NAV2: variants seen among roughly 807,000 people sequenced by gnomAD.
NAV2 encodes the protein helicase, APC down-regulated 1.
Under a neutral mutation model 223.2 loss-of-function variants are expected in NAV2, and 54 were observed. The ratio of observed to expected loss-of-function variants is 0.24; its 90% CI spans 0.19 to 0.30. NAV2 has a LOEUF of 0.30. Among genes scored for constraint, NAV2 ranks in the 10% least tolerant of loss-of-function variants. The pLI is 1.00. For synonymous variants in NAV2, 1,279 were observed against 1,239.3 expected (o/e 1.03, Z -0.67); for missense variants, 2,806 against 3,147.5 (o/e 0.89, Z 2.60).
At chr11:19,386,398 A>G (rs1460553111) in intron 1 of NAV2, among the ~76,000 whole-genome samples, 1 of 152,160 alleles carries the variant, frequency 6.6e-6, no homozygotes, top group Non-Finnish European at 1.5e-5. Flanking sequence ...TGGAATGGGT[A>G]TGATACTACC....
intron 1 of NAV2, among the ~76,000 whole-genome samples, chr11:19,389,158 G>C (rs1363824221): frequency 3.3e-5 from 5 of 152,192 alleles, no homozygotes; most frequent in Admixed American, 3.3e-4. Flanking sequence ...TTGTCTCTCT[G>C]TGATCCACTG....
intron 1 of NAV2, among the ~76,000 whole-genome samples, chr11:19,569,893 AG>A (rs2045374294): frequency 6.6e-6 from 1 of 152,224 alleles, no homozygotes; most frequent in Non-Finnish European, 1.5e-5. Context: ...AAAGTACAAA[AG>A]CACAACAAAG....
At chr11:19,874,889 G>T (rs915104229) in intron 4 of NAV2, among the ~76,000 whole-genome samples, 2 of 152,234 alleles carry the variant, frequency 1.3e-5, no homozygotes, top group African/African-American at 4.8e-5. Context: ...GGGCACAATG[G>T]CTCACGCCTT....
chr11:19,478,335 G>A (rs900176561), intron 1 of NAV2, among the ~76,000 whole-genome samples: 3 of 152,110 alleles, frequency 2.0e-5, no homozygotes, highest in African/African-American at 2.4e-5. Flanking sequence ...AGGGAGACCC[G>A]GAGCCCGGTG....
intron 1 of NAV2, among the ~76,000 whole-genome samples, chr11:19,649,898 C>T (rs1293804321): frequency 1.3e-5 from 2 of 152,228 alleles, no homozygotes; most frequent in African/African-American, 4.8e-5. Flanking sequence ...TACTTCCACA[C>T]TCCCATTTGA....
chr11:19,549,378 T>C (rs1311632080), intron 1 of NAV2, among the ~76,000 whole-genome samples: 4 of 152,204 alleles, frequency 2.6e-5, no homozygotes, highest in African/African-American at 9.6e-5. Flanking sequence ...GGTGGCTTAA[T>C]TGTCCCTGTG....
chr11:19,529,480 C>T (rs548307996), intron 1 of NAV2, among the ~76,000 whole-genome samples: 4 of 152,306 alleles, frequency 2.6e-5, no homozygotes, highest in South Asian at 2.1e-4. Context: ...AGTTGAGACC[C>T]GCCCCACCCC....
intron 1 of NAV2, among the ~76,000 whole-genome samples, chr11:19,438,795 A>G (rs1851298777): frequency 6.6e-6 from 1 of 152,212 alleles, no homozygotes. Context: ...AGGAGTCTCC[A>G]TTCTGTAAAA....
intron 1 of NAV2, among the ~76,000 whole-genome samples, chr11:19,410,656 A>G (rs1009144179): frequency 3.3e-5 from 5 of 152,182 alleles, no homozygotes; most frequent in Admixed American, 1.3e-4. Context: ...CATGTAAAAC[A>G]TAACTAATGA....
chr11:19,910,218 T>C (rs918338060), intron 6 of NAV2, among the ~76,000 whole-genome samples: 8 of 152,246 alleles, frequency 5.3e-5, no homozygotes, highest in Admixed American at 1.3e-4. Context: ...ATCTGCATCA[T>C]TGCAAAGCTA....
rs372249930 is a variant in NAV2 at position 20,037,215 on chromosome 11, A to G, written c.2907+1118A>G. Among the ~76,000 whole-genome samples the G allele has an allele frequency of 2.3e-4, 35 of 152,118 alleles. No individual in the cohort carries two copies. In the East Asian group the frequency reaches 4.8e-3, roughly 21 times the overall value. On this transcript the variant is annotated intron_variant, in intron 12 of 37. Transcript: ENST00000349880. Reference sequence around the variant, plus strand: ...AAATCTGTTTGGGACAAAGTCTCTCAGAGCAACCTTGCGGGGAGGCAGAAC... The same window carrying G: ...AAATCTGTTTGGGACAAAGTCTCTCGGAGCAACCTTGCGGGGAGGCAGAAC...
At chr11:19,856,707 G>A (rs943261315) in intron 3 of NAV2, among the ~76,000 whole-genome samples, 2 of 152,146 alleles carry the variant, frequency 1.3e-5, no homozygotes, top group African/African-American at 4.8e-5. Flanking sequence ...AACACAATAG[G>A]GTGTTCTATA....
intron 1 of NAV2, among the ~76,000 whole-genome samples, chr11:19,457,594 C>A (rs1161104937): frequency 4.6e-5 from 7 of 152,062 alleles, no homozygotes; most frequent in Admixed American, 4.6e-4. Flanking sequence ...AGGAATGACA[C>A]CCTCTGATTT....
intron 1 of NAV2, among the ~76,000 whole-genome samples, chr11:19,355,041 A>C (rs576636965): frequency 6.6e-6 from 1 of 152,210 alleles, no homozygotes; most frequent in Non-Finnish European, 1.5e-5. Context: ...CTGCATAGAG[A>C]AATTCAATGA....
chr11:20,005,112 A>G (rs774746290), intron 11 of NAV2, among the ~76,000 whole-genome samples: 2 of 152,104 alleles, frequency 1.3e-5, no homozygotes, highest in Non-Finnish European at 2.9e-5. Flanking sequence ...CTCTCTGACA[A>G]TAGAGACCCT....
chr11:19,919,048 A>G (rs2044046450), intron 6 of NAV2, among the ~76,000 whole-genome samples: 1 of 152,140 alleles, frequency 6.6e-6, no homozygotes, highest in African/African-American at 2.4e-5. Context: ...AGTTGGAAGG[A>G]TGGGATGAGA....
At chr11:19,674,751 C>T (rs887214191) in intron 1 of NAV2, among the ~76,000 whole-genome samples, 8 of 152,248 alleles carry the variant, frequency 5.3e-5, no homozygotes, top group Admixed American at 3.9e-4. Flanking sequence ...TTCCCTCCTT[C>T]AGACTTCATA....
At position 19,431,234 on chromosome 11, in the gene NAV2, C is replaced by T. The variant is rs74785421; in HGVS notation, c.75+80207C>T. On this transcript the variant is annotated intron_variant, in intron 1 of 37. Transcript: ENST00000360655. ...GCTGGTTAAAGCCCGAAGTGGGAAT[C>T]GGCACAGCAGGCTGTTGCTTCCTGG... Among the ~76,000 whole-genome samples the T allele has an allele frequency of 5.9e-3, 903 of 152,220 alleles. 3 individuals are homozygous for T. Among genetic ancestry groups the T allele is most frequent in the African/African-American group, 0.02 (833 of 41,552 alleles).
intron 1 of NAV2, among the ~76,000 whole-genome samples, chr11:19,691,127 C>G (rs1227816128): frequency 6.6e-6 from 1 of 152,124 alleles, no homozygotes; most frequent in Non-Finnish European, 1.5e-5. Context: ...TGACAAACTC[C>G]CAGGTGCTAC....
Sources: gnomAD v4.1 joint callset for allele counts (sites outside exome capture counted in the v4.1 genomes callset) on GRCh38, gnomAD v4.1.1 for gene constraint, MANE v1.5 for transcripts, NCBI Gene and HGNC (gene_info 2026-07-23, HGNC 2026-07-21) for gene names.